ENO3: variants seen among roughly 807,000 people sequenced by gnomAD.
ENO3 encodes the protein beta-enolase.
ENO3 carries 46 observed loss-of-function variants against 47.7 expected under a neutral mutation model. The observed-to-expected ratio is 0.96, with a 90% CI of 0.76 to 1.23. ENO3 has a LOEUF of 1.23. Among genes scored for constraint, ENO3 ranks in the 50% most tolerant of loss-of-function variants. The pLI is 0.00. For synonymous variants in ENO3, 223 were observed against 225.9 expected (o/e 0.99, Z 0.11); for missense variants, 575 against 566.2 (o/e 1.02, Z -0.16).
At chr17:4,952,238 G>T in intron 2 of ENO3, 1 of 399,594 alleles carries the variant, frequency 2.5e-6, no homozygotes, top group Non-Finnish European at 4.8e-6. Context: ...GTGCAGTGGT[G>T]CAATCTCAGC....
intron 2 of ENO3, chr17:4,952,220 G>T: frequency 4.6e-6 from 2 of 430,900 alleles, no homozygotes; most frequent in Admixed American, 5.9e-5. Context: ...TCTGTGGCCC[G>T]GGCTGGAGTG....
At chr17:4,955,024 C>G in intron 6 of ENO3, 51 bp from the exon 7 acceptor site, 1 of 1,471,334 alleles carries the variant, frequency 6.8e-7, no homozygotes, top group Non-Finnish European at 9.3e-7. Flanking sequence ...CCTGTCCCTT[C>G]TTGAGCTCTC....
rs1971566290 is a variant in ENO3 at position 4,952,380 on chromosome 17, G to C, written c.86-415G>C. 25 of 304,970 alleles carry C rather than the reference G, an allele frequency of 8.2e-5. 1 individual carries two copies. Among genetic ancestry groups the C allele is most frequent in the South Asian group, 6.4e-4 (25 of 38,868 alleles). The allele number at this position is 304,970 out of a possible 1,614,324, so 18.9% of individuals were successfully genotyped here. ...TTTTTTTGAGATGGAGTCTCACTCT[G>C]TCGCCCAGGCTGGAGTGCAGTGGCG... On this transcript the variant is annotated intron_variant, in intron 2 of 11. Transcript: ENST00000519602.
rs1331574024 is a variant in ENO3 at position 4,955,558 on chromosome 17, G to A, written c.819G>A (p.Gly273=). ...SPDDPARHIT[G]EKLGELYKSF... is the part of the protein sequence containing the mutation. ...ATGATCCCGCACGGCACATCACTGG[G>A]GAGAAGCTCGGAGAGCTGTATAAGA... The change falls in exon 8 of 12, where the codon GGG becomes GGA. Residue 273 remains glycine (G), a synonymous_variant. Coordinates refer to ENST00000519602, the MANE Select transcript of ENO3 (RefSeq NM_053013.4). The A allele has an allele frequency of 1.9e-6, 3 of 1,614,120 alleles. No individual in the cohort carries two copies. The highest frequency in any genetic ancestry group is 2.5e-6 in the Non-Finnish European group (3 of 1,180,054).
chr17:4,956,526 C>T (rs771089797), intron 9 of ENO3, 47 bp from the exon 10 acceptor site: 2 of 1,598,034 alleles, frequency 1.3e-6, no homozygotes, highest in Non-Finnish European at 1.7e-6. Context: ...CCTGCTTTCC[C>T]ACTGAGGAGG....
At chr17:4,956,371 C>G (rs930571456) in intron 9 of ENO3, 61 of 730,008 alleles carry the variant, frequency 8.4e-5, no homozygotes, top group Non-Finnish European at 1.3e-4. Context: ...CCATTCCTCT[C>G]TCAGATTCCG....
At chr17:4,953,986 G>T in intron 6 of ENO3, 141 bp downstream of exon 6, 1 of 1,295,814 alleles carries the variant, frequency 7.7e-7, no homozygotes, top group Non-Finnish European at 1.1e-6. Flanking sequence ...CTCCTGCTGT[G>T]GTCCCACCCC....
chr17:4,952,186 T>G, intron 2 of ENO3: 1 of 526,782 alleles, frequency 1.9e-6, no homozygotes. Context: ...TTTTGTTTTG[T>G]TTTGTTTTGA....
In ENO3 at chr17:4,955,643, C is replaced by A. The variant is rs375868102; in HGVS notation, c.865+39C>A. ...GTGTCCCAGTGTTCCTGCCCGAATC[C>A]CGTGCAGCTGCCTAATATACTGATT... On this transcript the variant is annotated intron_variant, in intron 8 of 11. Coordinates refer to ENST00000519602, the MANE Select transcript of ENO3 (RefSeq NM_053013.4). 4.3e-6 allele frequency: 7 copies of A among 1,611,376 alleles called. No individual in the cohort carries two copies. The African/African-American group carries it at 9.4e-5, about 22-fold the overall frequency.
chr17:4,951,284 A>T, intron 1 of ENO3, 102 bp downstream of exon 1: 3 of 1,011,606 alleles, frequency 3.0e-6, no homozygotes, highest in Non-Finnish European at 3.6e-6. Context: ...TCCTCCTGGG[A>T]CTGGAGATGC....
intron 3 of ENO3, 38 bp downstream of exon 3, chr17:4,952,928 G>A (rs753323275): frequency 6.8e-6 from 11 of 1,610,378 alleles, no homozygotes; most frequent in Admixed American, 5.1e-5. Context: ...CTGTGTGGGC[G>A]GCTTTAGGAC....
chr17:4,955,684 G>T, intron 8 of ENO3, 80 bp downstream of exon 8: 1 of 1,585,970 alleles, frequency 6.3e-7, no homozygotes, highest in Non-Finnish European at 8.7e-7. Context: ...GACCTGCTTT[G>T]CCATCGACTT....
rs1597702353 is a variant in ENO3, at chr17:4,955,146, T to C, written c.516T>C (p.Pro172=). 1 of 1,614,256 alleles carries C rather than the reference T, an allele frequency of 6.2e-7. No individual in the cohort carries two copies. Among genetic ancestry groups the C allele is most frequent in the Non-Finnish European group, 8.5e-7 (1 of 1,180,040 alleles). Residue 172 remains proline (P), a synonymous_variant, in exon 7 of 12, where the codon CCT becomes CCC. Transcript: ENST00000519602. Reference sequence around the variant, plus strand: ...CCATGCAGGAGTTCATGATTCTGCCTGTGGGAGCCAGCTCCTTCAAGGAAG... The same window carrying C: ...CCATGCAGGAGTTCATGATTCTGCCCGTGGGAGCCAGCTCCTTCAAGGAAG... ...KLAMQEFMIL[P]VGASSFKEAM...
Position 4,951,863 on chromosome 17 carries a change from T to C in ENO3, c.34T>C (p.Leu12=), listed in dbSNP as rs147216418. The stretch of plus-strand genomic sequence containing the variant: ...GCAGAAAATCTTTGCCCGGGAAATC[T>C]TGGACTCCAGGGGCAACCCCACGGT... ...AMQKIFAREI[L]DSRGNPTVEV... The change falls in exon 2 of 12, where the codon TTG becomes CTG. Residue 12 remains leucine (L), a synonymous_variant. Coordinates refer to ENST00000519602, the MANE Select transcript of ENO3 (RefSeq NM_053013.4). 2.9e-5 allele frequency: 46 copies of C among 1,614,034 alleles called. No individual in the cohort carries two copies. The highest frequency in any genetic ancestry group is 3.6e-5 in the Non-Finnish European group (42 of 1,180,016).
At position 4,953,342 on chromosome 17, in the gene ENO3, G is replaced by C. The variant is rs113298706; in HGVS notation, c.310+1G>C. ...GAGCTAGATGGGACCGAGAATAAGT[G>C]TGAGTGAAGGGCTAGCGGTGGGGAA... On this transcript the variant is annotated splice_donor_variant, in intron 5 of 11. Coordinates refer to ENST00000519602, the MANE Select transcript of ENO3 (RefSeq NM_053013.4). LOFTEE classifies it high-confidence loss of function. 7 of 1,614,254 alleles carry C rather than the reference G, an allele frequency of 4.3e-6. No individual in the cohort carries two copies. Among genetic ancestry groups the C allele is most frequent in the Admixed American group, 1.7e-5 (1 of 60,030 alleles).
At position 4,951,704 on chromosome 17, in the gene ENO3, T is replaced by C. The variant is rs1971545413; in HGVS notation, c.-2-124T>C. On this transcript the variant is annotated intron_variant, in intron 1 of 11. Transcript: ENST00000519602. The stretch of plus-strand genomic sequence containing the variant: ...CCTGCCTCTTTGGTCTGTGACCTTT[T>C]TGTAGGGTATTTTTAGCTCCAGCAC... 4.7e-6 allele frequency: 5 copies of C among 1,064,132 alleles called. No individual in the cohort carries two copies. In the South Asian group the frequency reaches 6.3e-5, roughly 13 times the overall value. 65.9% of individuals were successfully genotyped at this position (1,064,132 alleles called of 1,614,324 possible). A position where few individuals can be genotyped will look rare whatever the true frequency, so the allele number is the denominator to read the frequency against.
upstream of ENO3, among the ~76,000 whole-genome samples, chr17:4,949,831 G>C (rs1971488726): frequency 6.6e-6 from 1 of 152,168 alleles, no homozygotes. Context: ...CCTCGAGTCC[G>C]TGTTCCTCGA....
chr17:4,952,396 T>A (rs931202254), intron 2 of ENO3: 1 of 328,542 alleles, frequency 3.0e-6, no homozygotes, highest in Non-Finnish European at 5.8e-6. Context: ...CAGGCTGGAG[T>A]GCAGTGGCGC....
chr17:4,954,000 C>T, intron 6 of ENO3, 155 bp downstream of exon 6: 1 of 1,160,954 alleles, frequency 8.6e-7, no homozygotes, highest in Non-Finnish European at 1.2e-6. Flanking sequence ...CCACCCCTCC[C>T]TCTCTTCCAC....
Sources: allele counts gnomAD v4.1 joint callset (sites outside exome capture counted in the v4.1 genomes callset), GRCh38; gene constraint gnomAD v4.1.1; transcripts MANE v1.5; gene names NCBI Gene and HGNC (gene_info 2026-07-23, HGNC 2026-07-21).